The following APBA2 variants were observed in gnomAD, a reference collection of about 807,000 sequenced individuals.
APBA2 encodes amyloid-beta A4 precursor protein-binding family A member 2.
In APBA2, 30 loss-of-function variants were observed where a neutral mutation model predicts 75.0. That is an observed-to-expected ratio of 0.40 (90% CI 0.30 to 0.54). The LOEUF is 0.54. Ranked by LOEUF, APBA2 falls within the 20% of genes least tolerant of loss-of-function variation. The probability of loss-of-function intolerance (pLI) is 0.49; values close to 1 mark genes in which losing one functional copy is unlikely to be tolerated. For synonymous variants in APBA2, 444 were observed against 409.6 expected, an observed-to-expected ratio of 1.08 and a Z score of -1.01; for missense variants, 801 against 1,016.1, an observed-to-expected ratio of 0.79 and a Z score of 2.88.
intron 14 of APBA2, among the ~76,000 whole-genome samples, chr15:29,114,670 G>A (rs1022848671): frequency 6.6e-6 from 1 of 151,230 alleles, no homozygotes; most frequent in Non-Finnish European, 1.5e-5. Context: ...TATGAGTGTG[G>A]GTAAGTGTGG....
intron 12 of APBA2, among the ~76,000 whole-genome samples, chr15:29,107,382 G>T (rs1033717404): frequency 1.3e-5 from 2 of 152,160 alleles, no homozygotes; most frequent in African/African-American, 4.8e-5. Context: ...CACACTGGCC[G>T]CCTGCGAAGG....
intron 2 of APBA2, among the ~76,000 whole-genome samples, chr15:28,974,573 A>C (rs1207822853): frequency 1.3e-5 from 2 of 152,230 alleles, no homozygotes; most frequent in Non-Finnish European, 2.9e-5. Flanking sequence ...TAACAGAAAT[A>C]ATACAAACAA....
intron 14 of APBA2, among the ~76,000 whole-genome samples, chr15:29,115,873 C>T (rs1037458459): frequency 6.6e-6 from 1 of 152,134 alleles, no homozygotes; most frequent in African/African-American, 2.4e-5. Context: ...GCCCAGGGCC[C>T]GAGACCTGCT....
chr15:29,026,926 A>G (rs1424180962), intron 3 of APBA2, among the ~76,000 whole-genome samples: 1 of 152,160 alleles, frequency 6.6e-6, no homozygotes, highest in Admixed American at 6.5e-5. Context: ...GTCTCAAAAA[A>G]ACAAGAACAA....
chr15:29,038,995 G>A (rs899819906), intron 3 of APBA2, among the ~76,000 whole-genome samples: 2 of 152,170 alleles, frequency 1.3e-5, no homozygotes, highest in South Asian at 4.2e-4. Flanking sequence ...GAAGGACCTT[G>A]AGATGATTTA....
intron 2 of APBA2, among the ~76,000 whole-genome samples, chr15:28,926,880 A>G (rs1338281420): frequency 2.2e-5 from 3 of 138,626 alleles, no homozygotes; most frequent in African/African-American, 8.6e-5. Context: ...TTTTTGAGAC[A>G]GAGTCTCGCT....
chr15:29,046,545 C>G lies in APBA2; in HGVS notation c.-40-7300C>G, dbSNP rs1358266052. 6.6e-6 allele frequency among the ~76,000 whole-genome samples: 1 copy of G among 152,154 alleles called. No individual in the cohort carries two copies. Among genetic ancestry groups the G allele is most frequent in the East Asian group, 1.9e-4 (1 of 5,188 alleles). On this transcript the variant is annotated intron_variant, in intron 3 of 14. Coordinates refer to ENST00000683413, the MANE Select transcript of APBA2 (RefSeq NM_001353788.2). This position sits in a 1 kb window ranked among gnomAD's most constrained non-coding sequence, Gnocchi z 5.0. ...AGGAGGTCAGATCCATTCCCTGGGC[C>G]GTCATCAGAGACCTGCAAGCATCTA...
chr15:28,943,664 A>G (rs912784035), intron 2 of APBA2, among the ~76,000 whole-genome samples: 3 of 152,116 alleles, frequency 2.0e-5, no homozygotes, highest in Non-Finnish European at 2.9e-5. Flanking sequence ...CATGATGCCT[A>G]CAGTGTTCTG....
chr15:28,989,012 G>C (rs1227004895), intron 2 of APBA2, among the ~76,000 whole-genome samples: 1 of 152,090 alleles, frequency 6.6e-6, no homozygotes, highest in Non-Finnish European at 1.5e-5. Context: ...GTCTACATGA[G>C]GTATTAATTT....
intron 4 of APBA2, among the ~76,000 whole-genome samples, chr15:29,062,825 C>T (rs546992495): frequency 3.2e-4 from 49 of 152,324 alleles, no homozygotes; most frequent in African/African-American, 9.4e-4. Context: ...GCATCCCACC[C>T]GGCTGCAGCA....
At chr15:28,903,248 A>G (rs1006886076) in intron 1 of APBA2, among the ~76,000 whole-genome samples, 1 of 152,206 alleles carries the variant, frequency 6.6e-6, no homozygotes, top group Non-Finnish European at 1.5e-5. Flanking sequence ...ATAGTCAGTG[A>G]CAGAGGCCAT....
chr15:29,051,524 G>A (rs1381569920), intron 3 of APBA2, among the ~76,000 whole-genome samples: 11 of 152,186 alleles, frequency 7.2e-5, no homozygotes, highest in African/African-American at 1.2e-4. Context: ...GAATTCACAC[G>A]TTGGAAGCAT....
intron 3 of APBA2, among the ~76,000 whole-genome samples, chr15:29,027,227 A>T (rs1198995478): frequency 6.6e-6 from 1 of 152,146 alleles, no homozygotes; most frequent in Non-Finnish European, 1.5e-5. Context: ...CATCATGGTA[A>T]TCTATTCCTT....
At chr15:28,953,164 C>T (rs1408051806) in intron 2 of APBA2, among the ~76,000 whole-genome samples, 1 of 152,120 alleles carries the variant, frequency 6.6e-6, no homozygotes, top group Non-Finnish European at 1.5e-5. Flanking sequence ...GACTCCCACC[C>T]CCTCATCACT....
chr15:28,949,703 A>G (rs2035747637), intron 2 of APBA2, among the ~76,000 whole-genome samples: 1 of 152,156 alleles, frequency 6.6e-6, no homozygotes, highest in African/African-American at 2.4e-5. Flanking sequence ...TCCTGGGCTC[A>G]AGTGATCCTC....
At chr15:28,933,036 G>A (rs1322115438) in intron 2 of APBA2, among the ~76,000 whole-genome samples, 1 of 152,134 alleles carries the variant, frequency 6.6e-6, no homozygotes, top group Non-Finnish European at 1.5e-5. Context: ...GCATCATATA[G>A]TGAGCGAGAG....
At chr15:29,013,228 T>C (rs1047543608) in intron 3 of APBA2, among the ~76,000 whole-genome samples, 4 of 151,880 alleles carry the variant, frequency 2.6e-5, no homozygotes, top group Non-Finnish European at 5.9e-5. Flanking sequence ...ACAGCAACTA[T>C]CCTGAGTAAC....
intron 6 of APBA2, among the ~76,000 whole-genome samples, chr15:29,088,142 T>C (rs2043377422): frequency 6.6e-6 from 1 of 152,118 alleles, no homozygotes; most frequent in South Asian, 2.1e-4. Flanking sequence ...CTGTGCCCAA[T>C]ACACGAGGTC....
chr15:28,993,751 C>A (rs755164976), intron 2 of APBA2, among the ~76,000 whole-genome samples: 3 of 152,176 alleles, frequency 2.0e-5, no homozygotes, highest in African/African-American at 7.2e-5. Flanking sequence ...TGGAGACTCG[C>A]AGACTCTGGG....
Sources: gnomAD v4.1 joint callset for allele counts (sites outside exome capture counted in the v4.1 genomes callset) on GRCh38, gnomAD v4.1.1 for gene constraint, Gnocchi (gnomAD v3.1) non-coding constraint, MANE v1.5 for transcripts, NCBI Gene and HGNC (gene_info 2026-07-23, HGNC 2026-07-21) for gene names.